Variants in PLEKHA7 observed in about 807,000 individuals in gnomAD.
PLEKHA7 encodes the protein pleckstrin homology domain containing A7, also known as pleckstrin homology domain-containing family A member 7.
A neutral mutation model predicts 170.0 loss-of-function variants in PLEKHA7; 104 were observed. The observed-to-expected ratio is 0.61, with a 90% CI of 0.52 to 0.72. The LOEUF is 0.72. Among genes scored for constraint, PLEKHA7 ranks in the 30% least tolerant of loss-of-function variants. PLEKHA7 has a pLI of 0.00. For missense variants in PLEKHA7, 1,615 were observed against 1,671.7 expected (o/e 0.97, Z 0.59); for synonymous variants, 648 against 660.8 (o/e 0.98, Z 0.30).
At chr11:16,813,057 T>C in intron 13 of PLEKHA7, 56 bp downstream of exon 13, 3 of 1,513,536 alleles carry the variant, frequency 2.0e-6, no homozygotes, top group Non-Finnish European at 2.8e-6. Context: ...TCCAGTGAGG[T>C]GACACTCTCA....
intron 4 of PLEKHA7, among the ~76,000 whole-genome samples, chr11:16,859,750 C>A (rs7949886): frequency 0.038 from 5,834 of 152,294 alleles, 370 homozygotes; most frequent in African/African-American, 0.13. Flanking sequence ...GAACCAACTT[C>A]TCTTCCCAGA....
chr11:16,869,666 G>A (rs1854672283), intron 4 of PLEKHA7, among the ~76,000 whole-genome samples: 1 of 152,254 alleles, frequency 6.6e-6, no homozygotes, highest in South Asian at 2.1e-4. Flanking sequence ...TCTAGGGGAT[G>A]AAGGTGAAGG....
intron 3 of PLEKHA7, among the ~76,000 whole-genome samples, chr11:16,926,573 A>G (rs888033714): frequency 3.3e-5 from 5 of 152,240 alleles, no homozygotes; most frequent in African/African-American, 4.8e-5. Context: ...CAGAGGTGTT[A>G]TAAGAATGCA....
intron 3 of PLEKHA7, among the ~76,000 whole-genome samples, chr11:16,930,148 C>T (rs1021262703): frequency 2.0e-4 from 30 of 152,212 alleles, no homozygotes; most frequent in Non-Finnish European, 1.0e-4. Flanking sequence ...ACCTAGAGGG[C>T]TCATAGACCA....
At chr11:16,998,792 C>T (rs1255286810) in intron 3 of PLEKHA7, among the ~76,000 whole-genome samples, 1 of 152,112 alleles carries the variant, frequency 6.6e-6, no homozygotes, top group Non-Finnish European at 1.5e-5. Flanking sequence ...AGATATTTAG[C>T]TTCATAGCAT....
intron 3 of PLEKHA7, among the ~76,000 whole-genome samples, chr11:16,989,167 C>A (rs1863897568): frequency 6.6e-6 from 1 of 152,178 alleles, no homozygotes; most frequent in Non-Finnish European, 1.5e-5. Context: ...AAACCAAAAC[C>A]CCTTTGTCCC....
At chr11:17,000,739 G>T (rs372989548) in intron 3 of PLEKHA7, among the ~76,000 whole-genome samples, 2 of 152,212 alleles carry the variant, frequency 1.3e-5, no homozygotes, top group South Asian at 4.1e-4. Context: ...CCATCTTACA[G>T]ATGAAGAAAC....
In PLEKHA7 at chr11:16,871,245, GGTCA is replaced by G; in HGVS notation, c.222-67_222-64del. The G allele has an allele frequency of 2.3e-6, 3 of 1,322,464 alleles. No homozygotes were observed. In the Middle Eastern group the frequency reaches 5.5e-4, roughly 242 times the overall value. The allele number at this position is 1,322,464 out of a possible 1,614,324, so 81.9% of individuals were successfully genotyped here. ...GAATGGAAGGAGTACAGACACGACA[GGTCA>G]GTCAGCAATGTCTGGTGACCCTGGT... On this transcript the variant is annotated intron_variant, in intron 3 of 26. Transcript: ENST00000531066.
intron 3 of PLEKHA7, among the ~76,000 whole-genome samples, chr11:16,973,362 CAA>C (rs894978719): frequency 1.3e-5 from 2 of 152,206 alleles, no homozygotes; most frequent in Non-Finnish European, 2.9e-5. Context: ...GCCACCAACA[CAA>C]AGACATCAGA....
intron 3 of PLEKHA7, among the ~76,000 whole-genome samples, chr11:16,906,335 TCTC>T (rs1418136451): frequency 3.0e-4 from 41 of 138,100 alleles, no homozygotes; most frequent in Non-Finnish European, 4.8e-4. Context: ...TCACTCTCCC[TCTC>T]CCTCTCTTTC....
chr11:16,793,169 A>T (rs1052138542), intron 19 of PLEKHA7, among the ~76,000 whole-genome samples: 9 of 152,200 alleles, frequency 5.9e-5, no homozygotes, highest in Admixed American at 3.3e-4. Flanking sequence ...ACACAGTGAG[A>T]GAATCAGTCC....
rs375974935 is a variant in PLEKHA7 at position 16,828,815 on chromosome 11, A to C, written c.873-2225T>G. Among the ~76,000 whole-genome samples the C allele has an allele frequency of 2.4e-4, 36 of 152,308 alleles. No homozygotes were observed. The East Asian group carries it at 6.9e-3, about 29-fold the overall frequency. On this transcript the variant is annotated intron_variant, in intron 9 of 26. Transcript: ENST00000531066. ...GTTCAGGAGTTGACTACTCCAGGCCAATCAGAGTTAGCCCTGGGACTTGGG... is the reference window on the plus strand; with the variant it reads ...GTTCAGGAGTTGACTACTCCAGGCCCATCAGAGTTAGCCCTGGGACTTGGG...
chr11:16,810,844 G>C (rs1367945732), intron 13 of PLEKHA7, among the ~76,000 whole-genome samples: 1 of 152,206 alleles, frequency 6.6e-6, no homozygotes, highest in Non-Finnish European at 1.5e-5. Context: ...TTTAGGGTGA[G>C]AGCCGCACCC....
At chr11:16,830,546 T>C (rs1851027399) in intron 9 of PLEKHA7, among the ~76,000 whole-genome samples, 1 of 152,196 alleles carries the variant, frequency 6.6e-6, no homozygotes, top group African/African-American at 2.4e-5. Flanking sequence ...AGCCAGACAG[T>C]GAAACAAATA....
chr11:17,009,374 G>A (rs1865192770), intron 3 of PLEKHA7, among the ~76,000 whole-genome samples: 1 of 152,198 alleles, frequency 6.6e-6, no homozygotes, highest in Non-Finnish European at 1.5e-5. Context: ...ATTACGGCAA[G>A]ATTCTATGTC....
At chr11:16,958,990 T>C (rs1861877986) in intron 3 of PLEKHA7, among the ~76,000 whole-genome samples, 1 of 152,216 alleles carries the variant, frequency 6.6e-6, no homozygotes, top group Non-Finnish European at 1.5e-5. Context: ...GAAGCTCCTT[T>C]TGTTTACACT....
rs1243992915 is a variant in PLEKHA7, at chr11:16,805,683, G to A, written c.2008-2388C>T. On this transcript the variant is annotated intron_variant, in intron 13 of 26. Coordinates refer to ENST00000531066, the MANE Select transcript of PLEKHA7 (RefSeq NM_001329630.2). ...CGCGCACCTGTAGTCCCAGCTACTC[G>A]GGAGGTTGAGGCAGGAGAATCTCTT... 3.3e-5 allele frequency among the ~76,000 whole-genome samples: 5 copies of A among 151,752 alleles called. No homozygotes were observed. The East Asian group carries it at 5.8e-4, about 18-fold the overall frequency.
At chr11:16,990,309 G>T (rs1285033695) in intron 3 of PLEKHA7, among the ~76,000 whole-genome samples, 5 of 63,454 alleles carry the variant, frequency 7.9e-5, no homozygotes, top group Admixed American at 3.0e-4. Context: ...ACTTCTCCCT[G>T]TTCCCAGGTA....
At chr11:16,954,422 TACTC>T (rs1405123783) in intron 3 of PLEKHA7, among the ~76,000 whole-genome samples, 1 of 151,902 alleles carries the variant, frequency 6.6e-6, no homozygotes. Flanking sequence ...TAGTCTCAGT[TACTC>T]AGGAGGTTGA....
Sources: allele counts gnomAD v4.1 joint callset (sites outside exome capture counted in the v4.1 genomes callset), GRCh38; gene constraint gnomAD v4.1.1; transcripts MANE v1.5; gene names NCBI Gene and HGNC (gene_info 2026-07-23, HGNC 2026-07-21).